Variants in PER3 observed in about 807,000 individuals in gnomAD.
PER3 encodes the protein period circadian regulator 3, also known as period circadian protein homolog 3.
A neutral mutation model predicts 127.2 loss-of-function variants in PER3; 107 were observed. That is an observed-to-expected ratio of 0.84 (90% CI 0.72 to 0.99). The LOEUF (loss-of-function observed/expected upper bound fraction) is 0.99, where lower values mean the gene tolerates loss of function less well. Ranked by LOEUF, PER3 falls within the 50% of genes least tolerant of loss-of-function variation. PER3 has a pLI of 0.00. For synonymous variants in PER3, 618 were observed against 585.8 expected, an observed-to-expected ratio of 1.05 and a Z score of -0.79; for missense variants, 1,560 against 1,525.8, an observed-to-expected ratio of 1.02 and a Z score of -0.37.
In PER3 at chr1:7,827,463, C is replaced by T. The variant is rs139710546; in HGVS notation, c.2534C>T (p.Pro845Leu). The T allele has an allele frequency of 3.9e-5, 63 of 1,614,130 alleles. No individual in the cohort carries two copies. The highest frequency in any genetic ancestry group is 5.0e-5 in the Non-Finnish European group (59 of 1,180,040). Residue 845 changes from proline to leucine, a missense_variant, in exon 18 of 22, where the codon CCA (proline) becomes CTA (leucine). By Grantham distance (98) the Pro-to-Leu change is moderately conservative (BLOSUM62 -3). Coordinates refer to ENST00000377532, the MANE Select transcript of PER3 (RefSeq NM_001377275.1). ...LPLSEGLQPYPAFPFPYLDTF... is the reference protein window; with the variant it reads ...LPLSEGLQPYLAFPFPYLDTF... ...TTGTCCGAGGGCTTGCAGCCTTACCCAGCTTTCCCTTTTCCTTACTTGGAT... is the reference window on the plus strand; with the variant it reads ...TTGTCCGAGGGCTTGCAGCCTTACCTAGCTTTCCCTTTTCCTTACTTGGAT...
chr1:7,791,593 C>T (rs1461380406), intron 5 of PER3, among the ~76,000 whole-genome samples: 1 of 152,226 alleles, frequency 6.6e-6, no homozygotes, highest in Non-Finnish European at 1.5e-5. Flanking sequence ...GTTACTTCTG[C>T]AAATTTCTGT....
rs1279744616 is a variant in PER3, at chr1:7,826,630, G to A, written c.2108G>A (p.Arg703Gln). The change falls in exon 17 of 22, where the codon CGA becomes CAA. Residue 703 changes from arginine to glutamine, a missense_variant. Physicochemically the swap from Arg to Gln is conservative, Grantham distance 43 (BLOSUM62 1). Coordinates refer to ENST00000377532, the MANE Select transcript of PER3 (RefSeq NM_001377275.1). This position sits in a 1 kb window ranked among gnomAD's most constrained non-coding sequence, Gnocchi z 4.2. ...GAGCAGAATTATGTTGATAAATTCC[G>A]AGAAAAGATCCTGTCATCACCCTAC... ...KEEQNYVDKF[R>Q]EKILSSPYSS... The A allele has an allele frequency of 1.9e-6, 3 of 1,613,644 alleles. No homozygotes were observed. Among genetic ancestry groups the A allele is most frequent in the East Asian group, 2.2e-5 (1 of 44,882 alleles).
rs1196430772 is a variant in PER3, at chr1:7,788,105, G to A, written c.451G>A (p.Ala151Thr). ...SGRLVHISEQ[A>T]ALILNRKKDV... ...AAGGTTAGTGCACATTTCTGAACAGGCTGCTTTGATCCTGAATCGTAAGAA... is the reference window on the plus strand; with the variant it reads ...AAGGTTAGTGCACATTTCTGAACAGACTGCTTTGATCCTGAATCGTAAGAA... The change falls in exon 5 of 22, where the codon GCT becomes ACT. Residue 151 changes from alanine to threonine, a missense_variant. Ala to Thr is a moderately conservative substitution (Grantham distance 58). Coordinates refer to ENST00000377532, the MANE Select transcript of PER3 (RefSeq NM_001377275.1). The A allele has an allele frequency of 1.2e-6, 2 of 1,613,950 alleles. No homozygotes were observed. The highest frequency in any genetic ancestry group is 1.3e-5 in the African/African-American group (1 of 75,018).
In PER3 at chr1:7,835,659, TGAG is replaced by T. The variant is rs1018931304; in HGVS notation, c.3215-94_3215-92del. The T allele has an allele frequency of 3.2e-5, 24 of 748,462 alleles. No individual in the cohort carries two copies. In the African/African-American group the frequency reaches 3.7e-4, roughly 12 times the overall value. 46.4% of individuals were successfully genotyped at this position (748,462 alleles called of 1,614,324 possible). On this transcript the variant is annotated intron_variant, in intron 19 of 21. Transcript: ENST00000377532. The stretch of plus-strand genomic sequence containing the variant: ...TCCCGGAAATGATGGTTGGGCTGGC[TGAG>T]GAGGAGGACTGTCCGAGGCAAGAGT...
intron 5 of PER3, among the ~76,000 whole-genome samples, chr1:7,788,925 T>A (rs954797381): frequency 1.1e-4 from 13 of 115,814 alleles, no homozygotes; most frequent in East Asian, 2.7e-4. Flanking sequence ...AAAAAAAAAA[T>A]TCAGATCATT....
At chr1:7,838,116 A>G (rs1442067318) in intron 21 of PER3, among the ~76,000 whole-genome samples, 2 of 152,134 alleles carry the variant, frequency 1.3e-5, no homozygotes, top group Non-Finnish European at 2.9e-5. Context: ...GTTAGGTGTT[A>G]AAGTATGATA....
rs1553309980 is a variant in PER3, at chr1:7,806,840, A to ATATATATATAT, written c.1137-2051_1137-2050insTATATATATTA. 1.6e-3 allele frequency among the ~76,000 whole-genome samples: 187 copies of ATATATATATAT among 113,622 alleles called. 3 individuals are homozygous for ATATATATATAT. Among genetic ancestry groups the ATATATATATAT allele is most frequent in the East Asian group, 8.6e-3 (19 of 2,212 alleles). The allele number at this position is 113,622 out of a possible 152,430, so 74.5% of individuals were successfully genotyped here. A position where few individuals can be genotyped will look rare whatever the true frequency, so the allele number is the denominator to read the frequency against. On this transcript the variant is annotated intron_variant, in intron 10 of 21. Transcript: ENST00000377532. ...ATATATATATATATATATATATTAC[A>ATATATATATAT]TACACACACACACATACATACACAA...
chr1:7,797,617 C>G (rs2097151265), intron 6 of PER3, among the ~76,000 whole-genome samples: 1 of 141,802 alleles, frequency 7.1e-6, no homozygotes, highest in Non-Finnish European at 1.5e-5. Flanking sequence ...GCCTGGGCAA[C>G]AGAGCGAGAC....
intron 5 of PER3, among the ~76,000 whole-genome samples, chr1:7,792,036 T>G (rs868454527): frequency 9.9e-5 from 15 of 152,232 alleles, no homozygotes; most frequent in Admixed American, 2.0e-4. Flanking sequence ...TCCACATTTT[T>G]GGGTATCTAT....
At chr1:7,801,589 T>G (rs1375269107) in intron 8 of PER3, among the ~76,000 whole-genome samples, 1 of 152,202 alleles carries the variant, frequency 6.6e-6, no homozygotes, top group Non-Finnish European at 1.5e-5. Context: ...CAAATCAGTT[T>G]ATGATGAAAT....
chr1:7,787,671 C>G, intron 4 of PER3: 1 of 326,624 alleles, frequency 3.1e-6, no homozygotes, highest in Non-Finnish European at 5.9e-6. Context: ...TCAAGGACAG[C>G]TTCTTGAAGA....
chr1:7,839,513 T>A (rs2097374314), intron 21 of PER3, among the ~76,000 whole-genome samples: 1 of 152,232 alleles, frequency 6.6e-6, no homozygotes, highest in Non-Finnish European at 1.5e-5. Context: ...TCACACAGCT[T>A]CAGGTTACTG....
Position 7,835,789 on chromosome 1 carries a change from C to T in PER3, c.3242C>T (p.Thr1081Ile). The change falls in exon 20 of 22, where the codon ACT becomes ATT. Residue 1081 changes from threonine (T) to isoleucine (I), a missense_variant. Coordinates refer to ENST00000377532, the MANE Select transcript of PER3 (RefSeq NM_001377275.1). Reference protein sequence around the residue: ...SGSSDSSIYLTSSVYSSKISQ... With the variant: ...SGSSDSSIYLISSVYSSKISQ... The stretch of plus-strand genomic sequence containing the variant: ...AGCAGCGACAGCAGTATATACCTTA[C>T]TAGTAGTGTTTATTCTTCTAAAATC... 2 of 1,612,072 alleles carry T rather than the reference C, an allele frequency of 1.2e-6. No individual in the cohort carries two copies. Among genetic ancestry groups the T allele is most frequent in the Non-Finnish European group, 1.7e-6 (2 of 1,178,208 alleles).
chr1:7,827,969 A>G (rs2097310869), intron 18 of PER3, among the ~76,000 whole-genome samples, 154 bp downstream of exon 18: 1 of 152,220 alleles, frequency 6.6e-6, no homozygotes. Flanking sequence ...GTAAACATGA[A>G]ACACATCTGC....
chr1:7,802,753 G>T (rs897824102), intron 8 of PER3, among the ~76,000 whole-genome samples: 2 of 152,190 alleles, frequency 1.3e-5, no homozygotes, highest in Non-Finnish European at 2.9e-5. Context: ...CAGATGCCTG[G>T]TCTTATTTCC....
chr1:7,798,797 C>T, intron 7 of PER3, 124 bp downstream of exon 7: 1 of 717,944 alleles, frequency 1.4e-6, no homozygotes, highest in Non-Finnish European at 2.3e-6. Context: ...TTAAACTCTT[C>T]AGGCATTTGA....
chr1:7,826,960 T>C lies in PER3; in HGVS notation c.2189-158T>C. 2 of 649,028 alleles carry C rather than the reference T, an allele frequency of 3.1e-6. No homozygotes were observed. Among genetic ancestry groups the C allele is most frequent in the South Asian group, 2.1e-5 (1 of 48,374 alleles). The allele number at this position is 649,028 out of a possible 1,614,324, so 40.2% of individuals were successfully genotyped here. A position where few individuals can be genotyped will look rare whatever the true frequency, so the allele number is the denominator to read the frequency against. Reference sequence around the variant, plus strand: ...GTTTATTTGATAGCAACTATTTTTATCCGGAATTTTGTTCATCTTTTTAGA... The same window carrying C: ...GTTTATTTGATAGCAACTATTTTTACCCGGAATTTTGTTCATCTTTTTAGA... On this transcript the variant is annotated intron_variant, in intron 17 of 21. Coordinates refer to ENST00000377532, the MANE Select transcript of PER3 (RefSeq NM_001377275.1). The surrounding 1 kb of genome is among the most constrained non-coding windows in gnomAD (Gnocchi z 4.2).
At chr1:7,829,734 G>T in intron 18 of PER3, 100 bp from the exon 19 acceptor site, 1 of 959,086 alleles carries the variant, frequency 1.0e-6, no homozygotes, top group Non-Finnish European at 1.6e-6. Flanking sequence ...TTGACCACAG[G>T]TAACTGAAAC....
chr1:7,799,327 G>A (rs1330301982), intron 7 of PER3, among the ~76,000 whole-genome samples: 3 of 152,124 alleles, frequency 2.0e-5, no homozygotes, highest in African/African-American at 7.2e-5. Flanking sequence ...TAATCGTGCC[G>A]GGTGCAGTGG....
Sources: allele counts gnomAD v4.1 joint callset (sites outside exome capture counted in the v4.1 genomes callset), GRCh38; gene constraint gnomAD v4.1.1; non-coding constraint Gnocchi (gnomAD v3.1); transcripts MANE v1.5; gene names NCBI Gene and HGNC (gene_info 2026-07-23, HGNC 2026-07-21).